The following KAT14 variants were observed in gnomAD, a reference collection of about 807,000 sequenced individuals.
KAT14 encodes the protein cysteine-rich protein 2-binding protein.
KAT14 carries 66 observed loss-of-function variants against 78.4 expected under a neutral mutation model. The observed-to-expected ratio is 0.84, with a 90% CI of 0.69 to 1.03. KAT14 has a LOEUF of 1.03. Among genes scored for constraint, KAT14 ranks in the 50% least tolerant of loss-of-function variants. The pLI is 0.00. For synonymous variants in KAT14, 344 were observed against 359.4 expected (o/e 0.96, Z 0.48); for missense variants, 870 against 972.5 (o/e 0.89, Z 1.40).
chr20:18,164,219 G>C (rs556976404), intron 7 of KAT14, among the ~76,000 whole-genome samples: 5 of 152,112 alleles, frequency 3.3e-5, no homozygotes, highest in African/African-American at 1.2e-4. Flanking sequence ...GAGCCAAGTC[G>C]GGAGGGCCCA....
chr20:18,187,244 G>A, intron 10 of KAT14, 42 bp from the exon 11 acceptor site: 1 of 1,560,332 alleles, frequency 6.4e-7, no homozygotes, highest in African/African-American at 1.4e-5. Flanking sequence ...TTTCCCTCAG[G>A]CCTTTCCATT....
At chr20:18,147,884 C>A (rs2037884367) in intron 3 of KAT14, among the ~76,000 whole-genome samples, 1 of 152,232 alleles carries the variant, frequency 6.6e-6, no homozygotes, top group African/African-American at 2.4e-5. Context: ...CCGTGCCCGG[C>A]CACTTTGCAT....
Position 18,145,006 on chromosome 20 carries a change from TTCTCC to T in KAT14, c.260-225_260-221del, listed in dbSNP as rs1176269739. The stretch of plus-strand genomic sequence containing the variant: ...AACAATACCTGCTTTTCCAGTACCT[TTCTCC>T]TAAAAGTTACTGGATCCTACAGATC... On this transcript the variant is annotated intron_variant, in intron 2 of 10. Transcript: ENST00000688188. 3 of 1,092,550 alleles carry T rather than the reference TTCTCC, an allele frequency of 2.7e-6. No homozygotes were observed. The East Asian group carries it at 1.1e-4, about 39-fold the overall frequency. The allele number at this position is 1,092,550 out of a possible 1,614,324, so 67.7% of individuals were successfully genotyped here.
chr20:18,181,329 ATG>A (rs1278201990), intron 7 of KAT14, among the ~76,000 whole-genome samples: 1 of 149,936 alleles, frequency 6.7e-6, no homozygotes, highest in East Asian at 2.0e-4. Context: ...CTAATTATAT[ATG>A]GAAATTAACC....
At chr20:18,137,766 A>G, upstream of KAT14, 1 of 520,656 alleles carries the variant, frequency 1.9e-6, no homozygotes, top group Non-Finnish European at 3.1e-6. Context: ...AAGAGTTCGT[A>G]GAGCCTGGGC....
intron 4 of KAT14, among the ~76,000 whole-genome samples, chr20:18,158,603 T>A: frequency 6.6e-6 from 1 of 152,208 alleles, no homozygotes; most frequent in Non-Finnish European, 1.5e-5. Context: ...GATTGAGAGA[T>A]GTGTGCTACT....
At chr20:18,147,315 C>T (rs188580140) in intron 3 of KAT14, among the ~76,000 whole-genome samples, 218 of 152,178 alleles carry the variant, frequency 1.4e-3, no homozygotes, top group African/African-American at 5.1e-3. Context: ...ATAACTGGGA[C>T]ATTTTTCTCA....
chr20:18,187,475 C>A lies in KAT14; in HGVS notation c.*16C>A, dbSNP rs1376511091. 6.2e-7 allele frequency: 1 copy of A among 1,613,300 alleles called. No individual in the cohort carries two copies. Among genetic ancestry groups the A allele is most frequent in the Non-Finnish European group, 8.5e-7 (1 of 1,179,800 alleles). On this transcript the variant is annotated 3_prime_UTR_variant, in exon 11 of 11. Coordinates refer to ENST00000688188, the MANE Select transcript of KAT14 (RefSeq NM_001392073.1). ...CCGGCGCTGATGCGAATACAGCTCA[C>A]AGAGAAACGCATGTGCTATTGGAGA...
rs766044114 is a variant in KAT14, at chr20:18,162,705, T to C, written c.1428T>C (p.Ala476=). ...EEKLLLKRLE[A]CPGAVAMTPE... ...AGCTGCTGCTCAAGAGGCTGGAAGC[T>C]TGTCCCGGTGCTGTTGCCATGACTC... Residue 476 remains alanine, a synonymous_variant, in exon 7 of 11, where the codon GCT becomes GCC. Coordinates refer to ENST00000688188, the MANE Select transcript of KAT14 (RefSeq NM_001392073.1). 1.9e-6 allele frequency: 3 copies of C among 1,614,188 alleles called. No individual in the cohort carries two copies. Among genetic ancestry groups the C allele is most frequent in the South Asian group, 2.2e-5 (2 of 91,088 alleles).
chr20:18,148,762 A>C (rs2037926282), intron 3 of KAT14, among the ~76,000 whole-genome samples: 1 of 152,016 alleles, frequency 6.6e-6, no homozygotes, highest in African/African-American at 2.4e-5. Context: ...GGCGTGCGCC[A>C]CCATGCCTGG....
At chr20:18,183,341 A>C in intron 9 of KAT14, 43 bp downstream of exon 9, 1 of 1,528,576 alleles carries the variant, frequency 6.5e-7, no homozygotes, top group Non-Finnish European at 8.8e-7. Context: ...TTTTCTGTAC[A>C]GTCCATTCTA....
rs749626027 is a variant in KAT14, at chr20:18,181,836, C to T, written c.1795C>T (p.Pro599Ser). The change falls in exon 8 of 11, where the codon CCT (proline) becomes TCT (serine). Residue 599 changes from proline to serine, a missense_variant. Physicochemically the swap from Pro to Ser is moderately conservative, Grantham distance 74. Transcript: ENST00000688188. Reference protein sequence around the residue: ...VSPYTSRILKPYIRRDYETKP... With the variant: ...VSPYTSRILKSYIRRDYETKP... ...CCCTTATACCTCTCGGATCTTGAAA[C>T]CTTATATCAGGTATATGGAGAACTA... is the stretch of plus-strand genomic sequence containing the variant. The T allele has an allele frequency of 1.9e-6, 3 of 1,613,978 alleles. No homozygotes were observed. Among genetic ancestry groups the T allele is most frequent in the Non-Finnish European group, 2.5e-6 (3 of 1,179,962 alleles).
At chr20:18,141,474 T>C (rs1351870138) in intron 1 of KAT14, among the ~76,000 whole-genome samples, 1 of 152,226 alleles carries the variant, frequency 6.6e-6, no homozygotes, top group Non-Finnish European at 1.5e-5. Flanking sequence ...GTAATCTGCA[T>C]TTTTTCTGTT....
intron 2 of KAT14, 73 bp from the exon 3 acceptor site, chr20:18,145,160 A>G: frequency 6.5e-7 from 1 of 1,534,164 alleles, no homozygotes; most frequent in Non-Finnish European, 8.8e-7. Context: ...AATCTGGGTG[A>G]TAAACGGATT....
chr20:18,139,847 T>C (rs1259198368), intron 1 of KAT14, among the ~76,000 whole-genome samples: 15 of 152,122 alleles, frequency 9.9e-5, no homozygotes. Flanking sequence ...TACCAGGCAG[T>C]GTATTAAGCA....
In KAT14 at chr20:18,183,259, C is replaced by G; in HGVS notation, c.1942C>G (p.Pro648Ala). 1 of 1,614,064 alleles carries G rather than the reference C, an allele frequency of 6.2e-7. No individual in the cohort carries two copies. The highest frequency in any genetic ancestry group is 8.5e-7 in the Non-Finnish European group (1 of 1,180,008). The change falls in exon 9 of 11, where the codon CCA (proline) becomes GCA (alanine). Residue 648 changes from proline to alanine, a missense_variant. By Grantham distance (27) the Pro-to-Ala change is conservative (BLOSUM62 -1). Transcript: ENST00000688188. ...CTGTTATGTGCGGCCAAATCACATC[C>G]CAACGATCAACTCCATGTGTCAGGA... Reference protein sequence around the residue: ...DYCYVRPNHIPTINSMCQEFF... With the variant: ...DYCYVRPNHIATINSMCQEFF...
At chr20:18,186,561 G>A (rs2244073) in intron 10 of KAT14, among the ~76,000 whole-genome samples, 32,631 of 152,090 alleles carry the variant, frequency 0.21, 4,850 homozygotes, top group East Asian at 0.77. Flanking sequence ...GTATTTCAGT[G>A]CCTTCTTTAT....
In KAT14 at chr20:18,181,838, T is replaced by A. The variant is rs778739824; in HGVS notation, c.1797T>A (p.Pro599=). The change falls in exon 8 of 11, where the codon CCT becomes CCA. Residue 599 remains proline, a synonymous_variant. Transcript: ENST00000688188. Reference sequence around the variant, plus strand: ...CTTATACCTCTCGGATCTTGAAACCTTATATCAGGTATATGGAGAACTAGA... The same window carrying A: ...CTTATACCTCTCGGATCTTGAAACCATATATCAGGTATATGGAGAACTAGA... ...VSPYTSRILK[P]YIRRDYETKP... is the part of the protein sequence containing the mutation. 6.2e-7 allele frequency: 1 copy of A among 1,613,916 alleles called. No individual in the cohort carries two copies. The highest frequency in any genetic ancestry group is 1.3e-5 in the African/African-American group (1 of 74,886).
intron 1 of KAT14, 44 bp downstream of exon 1, chr20:18,138,095 G>T: frequency 1.4e-6 from 2 of 1,436,136 alleles, no homozygotes; most frequent in South Asian, 1.4e-5. Context: ...CGCGCGCGGC[G>T]TCGACCTGGG....
Sources: gnomAD v4.1 joint callset for allele counts (sites outside exome capture counted in the v4.1 genomes callset) on GRCh38, gnomAD v4.1.1 for gene constraint, MANE v1.5 for transcripts, NCBI Gene and HGNC (gene_info 2026-07-23, HGNC 2026-07-21) for gene names.